The following OTUD7A variants were observed in gnomAD, a reference collection of about 807,000 sequenced individuals.
The protein encoded by OTUD7A is OTU deubiquitinase 7A.
OTUD7A carries 12 observed loss-of-function variants against 65.7 expected under a neutral mutation model. The ratio of observed to expected loss-of-function variants is 0.18; its 90% confidence interval spans 0.12 to 0.30. The LOEUF is 0.30. Ranked by LOEUF, OTUD7A falls within the 10% of genes least tolerant of loss-of-function variation. The probability of loss-of-function intolerance (pLI) is 1.00; values close to 1 mark genes in which losing one functional copy is unlikely to be tolerated. For synonymous variants in OTUD7A, 641 were observed against 586.3 expected (o/e 1.09, Z -1.35); for missense variants, 1,148 against 1,304.8 (o/e 0.88, Z 1.85).
intron 1 of OTUD7A, among the ~76,000 whole-genome samples, chr15:31,664,293 A>AGTGTAGAAGTG (rs1357924960): frequency 1.2e-5 from 1 of 86,652 alleles, no homozygotes; most frequent in African/African-American, 8.4e-5. Context: ...CCACCAGAAC[A>AGTGTAGAAGTG]TTCCCTGTTC....
At chr15:31,637,520 G>C (rs1891378942) in intron 3 of OTUD7A, among the ~76,000 whole-genome samples, 1 of 152,194 alleles carries the variant, frequency 6.6e-6, no homozygotes, top group African/African-American at 2.4e-5. Flanking sequence ...GTACTCCACG[G>C]ATCAAGGAGC....
chr15:31,548,723 C>A (rs1355790218), intron 5 of OTUD7A, among the ~76,000 whole-genome samples: 1 of 152,182 alleles, frequency 6.6e-6, no homozygotes, highest in African/African-American at 2.4e-5. Flanking sequence ...CCATAGTGCC[C>A]ACCCCATCCT....
At chr15:31,653,156 G>A (rs1891889006) in intron 3 of OTUD7A, among the ~76,000 whole-genome samples, 1 of 151,878 alleles carries the variant, frequency 6.6e-6, no homozygotes, top group Non-Finnish European at 1.5e-5. Context: ...GGCTGAGGCA[G>A]GAAAATTGCT....
intron 5 of OTUD7A, among the ~76,000 whole-genome samples, chr15:31,551,001 C>T (rs1888305237): frequency 6.6e-6 from 1 of 152,170 alleles, no homozygotes; most frequent in East Asian, 1.9e-4. Context: ...AGACTGTGCA[C>T]ACCTGGGAGA....
intron 4 of OTUD7A, 116 bp downstream of exon 4, chr15:31,569,902 A>C (rs1202449551): frequency 9.1e-7 from 1 of 1,100,542 alleles, no homozygotes. Context: ...TGAGAGGCCA[A>C]TATGTCTGCA....
chr15:31,575,767 C>G (rs1273647378), intron 3 of OTUD7A, among the ~76,000 whole-genome samples: 1 of 152,202 alleles, frequency 6.6e-6, no homozygotes, highest in African/African-American at 2.4e-5. Flanking sequence ...TAGCCACAGG[C>G]TCCCTCCAAA....
At position 31,498,102 on chromosome 15, in the gene OTUD7A, C is replaced by T. The variant is rs947196825; in HGVS notation, c.1171+3588G>A. ...AGAGGAGCTGTGGAGATGGGCAAGG[C>T]TGTGCTTGGCTTGTTTGGGACTTTA... is the stretch of plus-strand genomic sequence containing the variant. On this transcript the variant is annotated intron_variant, in intron 10 of 12. Transcript: ENST00000307050. The surrounding 1 kb of genome is among the most constrained non-coding windows in gnomAD (Gnocchi z 4.2). 6.6e-6 allele frequency among the ~76,000 whole-genome samples: 1 copy of T among 152,202 alleles called. No homozygotes were observed. The highest frequency in any genetic ancestry group is 1.5e-5 in the Non-Finnish European group (1 of 68,036).
intron 1 of OTUD7A, among the ~76,000 whole-genome samples, chr15:31,769,660 A>G (rs1252365891): frequency 6.6e-6 from 1 of 152,254 alleles, no homozygotes; most frequent in Non-Finnish European, 1.5e-5. Flanking sequence ...ATTTCACACA[A>G]CAAGGATAAA....
At position 31,553,301 on chromosome 15, in the gene OTUD7A, C is replaced by A. The variant is rs76717877; in HGVS notation, c.550+5668G>T. ...AGCCCTCAATACTGTAGGGCCCCAGCCTGAGTCTTTGGAAAGCTTGTTTTC... is the reference window on the plus strand; with the variant it reads ...AGCCCTCAATACTGTAGGGCCCCAGACTGAGTCTTTGGAAAGCTTGTTTTC... On this transcript the variant is annotated intron_variant, in intron 5 of 12. Coordinates refer to ENST00000307050, the MANE Select transcript of OTUD7A (RefSeq NM_001382637.1). Among the ~76,000 whole-genome samples the A allele has an allele frequency of 2.6e-5, 4 of 152,194 alleles. No individual in the cohort carries two copies. The East Asian group carries it at 5.8e-4, about 22-fold the overall frequency.
intron 1 of OTUD7A, among the ~76,000 whole-genome samples, chr15:31,796,417 C>T (rs141960729): frequency 6.6e-6 from 1 of 152,112 alleles, no homozygotes; most frequent in African/African-American, 2.4e-5. Flanking sequence ...TGGGGAAGCT[C>T]AGTCTTTTTT....
intron 1 of OTUD7A, among the ~76,000 whole-genome samples, chr15:31,733,345 T>A (rs1261765633): frequency 2.0e-5 from 3 of 152,196 alleles, no homozygotes; most frequent in Non-Finnish European, 2.9e-5. Flanking sequence ...TTTACCAGAC[T>A]CACCGTGGGC....
At chr15:31,769,162 G>A (rs1895165935) in intron 1 of OTUD7A, among the ~76,000 whole-genome samples, 1 of 152,132 alleles carries the variant, frequency 6.6e-6, no homozygotes, top group African/African-American at 2.4e-5. Flanking sequence ...AGTAAATGAT[G>A]GCCAAAGATA....
intron 1 of OTUD7A, among the ~76,000 whole-genome samples, chr15:31,801,880 C>G (rs1896134044): frequency 2.0e-5 from 3 of 151,644 alleles, no homozygotes; most frequent in Non-Finnish European, 2.9e-5. Context: ...TAGACTGATC[C>G]AAAGAACCAT....
chr15:31,608,544 T>A (rs1309765244), intron 3 of OTUD7A, among the ~76,000 whole-genome samples: 1 of 152,114 alleles, frequency 6.6e-6, no homozygotes. Flanking sequence ...TTTTGACACA[T>A]GTGCACAGAA....
At chr15:31,661,157 T>C (rs1413704564) in intron 1 of OTUD7A, among the ~76,000 whole-genome samples, 1 of 152,268 alleles carries the variant, frequency 6.6e-6, no homozygotes, top group African/African-American at 2.4e-5. Context: ...TATTATACTT[T>C]TTCATAATTT....
chr15:31,766,191 T>A (rs1895089871), intron 1 of OTUD7A: 3 of 1,506,894 alleles, frequency 2.0e-6, no homozygotes, highest in African/African-American at 2.8e-5. Context: ...AAGAAGCTCA[T>A]CAAGGTCCAC....
At chr15:31,854,435 T>C (rs1404374385) in intron 1 of OTUD7A, among the ~76,000 whole-genome samples, 1 of 152,244 alleles carries the variant, frequency 6.6e-6, no homozygotes. Flanking sequence ...GTCATTATTC[T>C]GCCCACCATA....
At chr15:31,532,824 C>G (rs1887672954) in intron 5 of OTUD7A, among the ~76,000 whole-genome samples, 1 of 151,264 alleles carries the variant, frequency 6.6e-6, no homozygotes, top group Non-Finnish European at 1.5e-5. Flanking sequence ...GTCCCAGCTA[C>G]TCGGGGGGCT....
intron 3 of OTUD7A, among the ~76,000 whole-genome samples, chr15:31,599,676 G>A (rs1307516816): frequency 4.6e-5 from 7 of 152,000 alleles, no homozygotes; most frequent in Admixed American, 3.3e-4. Context: ...CAGAAAGTGG[G>A]TAATAACAAA....
Sources: allele counts gnomAD v4.1 joint callset (sites outside exome capture counted in the v4.1 genomes callset), GRCh38; gene constraint gnomAD v4.1.1; non-coding constraint Gnocchi (gnomAD v3.1); transcripts MANE v1.5; gene names NCBI Gene and HGNC (gene_info 2026-07-23, HGNC 2026-07-21).